The following ARSB variants were observed in gnomAD, a reference collection of about 807,000 sequenced individuals.
ARSB encodes the protein arylsulfatase B.
ARSB carries 41 observed loss-of-function variants against 50.9 expected under a neutral mutation model. The observed-to-expected ratio is 0.81, with a 90% CI of 0.63 to 1.04. The LOEUF is 1.04. Among genes scored for constraint, ARSB ranks in the 50% least tolerant of loss-of-function variants. The pLI is 0.00. For missense variants in ARSB, 672 were observed against 693.3 expected (o/e 0.97, Z 0.35); for synonymous variants, 269 against 284.8 (o/e 0.94, Z 0.56).
In ARSB at chr5:78,819,802, G is replaced by A. The variant is rs572160300; in HGVS notation, c.1213+19554C>T. The stretch of plus-strand genomic sequence containing the variant: ...AAAGGCAGAGCCAAGGGGCCTGGGA[G>A]GCCAAGTGCTTTAGGACAAGCACTG... On this transcript the variant is annotated intron_variant, in intron 6 of 7. Transcript: ENST00000264914. 1.1e-4 allele frequency among the ~76,000 whole-genome samples: 17 copies of A among 152,338 alleles called. No individual in the cohort carries two copies. The South Asian group carries it at 3.3e-3, about 30-fold the overall frequency.
At chr5:78,885,875 T>C (rs1181525222) in intron 4 of ARSB, 48 bp from the exon 5 acceptor site, 3 of 1,613,864 alleles carry the variant, frequency 1.9e-6, no homozygotes, top group South Asian at 2.2e-5. Context: ...AACTCTTAAA[T>C]ACATTTAAGA....
At position 78,779,352 on chromosome 5, in the gene ARSB, C is replaced by T. The variant is rs1176403847; in HGVS notation, c.*1045G>A. ...CAGTATCCCAGACACTGGCCACTTGCTTTTTCATATCCTTTCCTGAGGTTT... is the reference window on the plus strand; with the variant it reads ...CAGTATCCCAGACACTGGCCACTTGTTTTTTCATATCCTTTCCTGAGGTTT... On this transcript the variant is annotated 3_prime_UTR_variant, in exon 8 of 8. Coordinates refer to ENST00000264914, the MANE Select transcript of ARSB (RefSeq NM_000046.5). The T allele has an allele frequency of 6.6e-6, 1 of 152,180 alleles. No individual in the cohort carries two copies. Among genetic ancestry groups the T allele is most frequent in the African/African-American group, 2.4e-5 (1 of 41,434 alleles). The allele number at this position is 152,180 out of a possible 1,614,324, so 9.4% of individuals were successfully genotyped here. A position where few individuals can be genotyped will look rare whatever the true frequency, so the allele number is the denominator to read the frequency against.
chr5:78,984,085 G>A (rs115171407), intron 1 of ARSB, among the ~76,000 whole-genome samples: 2,218 of 152,244 alleles, frequency 0.015, 67 homozygotes, highest in African/African-American at 0.051. Flanking sequence ...TGCAGGAAAA[G>A]CACAACGGAC....
At chr5:78,888,307 AAAG>A (rs761169123) in intron 4 of ARSB, among the ~76,000 whole-genome samples, 7 of 152,244 alleles carry the variant, frequency 4.6e-5, no homozygotes, top group Non-Finnish European at 7.3e-5. Context: ...CCATCAGTAG[AAAG>A]AAGAAATTCC....
chr5:78,847,901 T>C lies in ARSB; in HGVS notation c.1143-8475A>G, dbSNP rs190459173. The stretch of plus-strand genomic sequence containing the variant: ...ATCACTTGTATTTCTATGGTATCAG[T>C]TGCAATGTCTCCTTTTTTGTTGGTG... On this transcript the variant is annotated intron_variant, in intron 5 of 7. Coordinates refer to ENST00000264914, the MANE Select transcript of ARSB (RefSeq NM_000046.5). Among the ~76,000 whole-genome samples the C allele has an allele frequency of 9.9e-5, 15 of 152,232 alleles. No homozygotes were observed. In the East Asian group the frequency reaches 2.7e-3, roughly 27 times the overall value.
chr5:78,821,548 G>A (rs1389470417), intron 6 of ARSB, among the ~76,000 whole-genome samples: 1 of 152,204 alleles, frequency 6.6e-6, no homozygotes, highest in East Asian at 1.9e-4. Context: ...GAAAGCACAT[G>A]CAAACTACTT....
chr5:78,914,743 T>C (rs936594570), intron 4 of ARSB, among the ~76,000 whole-genome samples: 6 of 152,174 alleles, frequency 3.9e-5, no homozygotes, highest in African/African-American at 1.4e-4. Context: ...TGATCTCAGC[T>C]CACTACAATC....
chr5:78,964,379 C>G, intron 3 of ARSB, 37 bp downstream of exon 3: 1 of 1,590,180 alleles, frequency 6.3e-7, no homozygotes, highest in Non-Finnish European at 8.6e-7. Context: ...ATTAGTGTAA[C>G]AAGATTTTGC....
At chr5:78,868,841 T>C (rs1477233885) in intron 5 of ARSB, among the ~76,000 whole-genome samples, 1 of 147,760 alleles carries the variant, frequency 6.8e-6, no homozygotes, top group Admixed American at 6.6e-5. Flanking sequence ...ATGGACTAAA[T>C]GCTACAATTA....
At chr5:78,958,451 GA>G (rs1464158571) in intron 3 of ARSB, among the ~76,000 whole-genome samples, 1 of 152,080 alleles carries the variant, frequency 6.6e-6, no homozygotes, top group African/African-American at 2.4e-5. Context: ...AAGATTTGGG[GA>G]TCATTATTAA....
intron 6 of ARSB, chr5:78,783,248 C>T (rs964064826): frequency 4.6e-5 from 7 of 152,218 alleles, no homozygotes; most frequent in African/African-American, 1.7e-4. Flanking sequence ...GTATAGACTC[C>T]ATTGGAGTGG....
At chr5:78,855,590 A>T (rs1020186) in intron 5 of ARSB, among the ~76,000 whole-genome samples, 3 of 152,050 alleles carry the variant, frequency 2.0e-5, no homozygotes, top group African/African-American at 7.3e-5. Flanking sequence ...CATAGTTCCA[A>T]CTCCAAGATG....
chr5:78,820,832 A>G (rs374858012), intron 6 of ARSB, among the ~76,000 whole-genome samples: 17 of 152,100 alleles, frequency 1.1e-4, no homozygotes, highest in East Asian at 7.7e-4. Context: ...AAAATTGCCA[A>G]ATCTCCCCTG....
chr5:78,872,775 C>A (rs1017738666), intron 5 of ARSB, among the ~76,000 whole-genome samples: 1 of 146,690 alleles, frequency 6.8e-6, no homozygotes, highest in Admixed American at 6.8e-5. Context: ...TGTAACTAAC[C>A]TGCACAATGT....
At chr5:78,854,908 C>A (rs1581047372) in intron 5 of ARSB, among the ~76,000 whole-genome samples, 1 of 152,142 alleles carries the variant, frequency 6.6e-6, no homozygotes, top group East Asian at 1.9e-4. Context: ...ATCCACTTCT[C>A]TCCTGGCTTG....
At chr5:78,782,890 T>A (rs1452076554) in intron 6 of ARSB, among the ~76,000 whole-genome samples, 1 of 151,976 alleles carries the variant, frequency 6.6e-6, no homozygotes, top group East Asian at 1.9e-4. Context: ...CTTACATATA[T>A]CCAGGTGACA....
chr5:78,969,477 CA>C lies in ARSB; in HGVS notation c.313-286del, dbSNP rs34055862. 0.23 allele frequency among the ~76,000 whole-genome samples: 34,959 copies of C among 151,904 alleles called. 4,260 individuals carry two copies. The highest frequency in any genetic ancestry group is 0.3 in the Admixed American group (4,581 of 15,258). ...ACCATTAACTTGTTACTTTTTGCCTCAAAAAAAGTAGCAATAATATGTGGTG... is the reference window on the plus strand; with the variant it reads ...ACCATTAACTTGTTACTTTTTGCCTCAAAAAAGTAGCAATAATATGTGGTG... On this transcript the variant is annotated intron_variant, in intron 1 of 7. Coordinates refer to ENST00000264914, the MANE Select transcript of ARSB (RefSeq NM_000046.5).
intron 6 of ARSB, among the ~76,000 whole-genome samples, chr5:78,794,560 C>A (rs1743112986): frequency 6.6e-6 from 1 of 151,698 alleles, no homozygotes; most frequent in South Asian, 2.1e-4. Context: ...AAACAGAAAA[C>A]AAAGAAGAGA....
rs1440962115 is a variant in ARSB, at chr5:78,955,307, T to C, written c.886A>G (p.Ile296Val). 3 of 1,614,084 alleles carry C rather than the reference T, an allele frequency of 1.9e-6. No homozygotes were observed. The highest frequency in any genetic ancestry group is 2.5e-6 in the Non-Finnish European group (3 of 1,180,020). The change falls in exon 4 of 8, where the codon ATC (isoleucine) becomes GTC (valine). Residue 296 changes from isoleucine (I) to valine (V), a missense_variant. By Grantham distance (29) the Ile-to-Val change is conservative. Coordinates refer to ENST00000264914, the MANE Select transcript of ARSB (RefSeq NM_000046.5). ...TTGACAGACTTACCTGTAGAAAAGATGAACACCGTGTTGTTCCAGAGCCCA... is the reference window on the plus strand; with the variant it reads ...TTGACAGACTTACCTGTAGAAAAGACGAACACCGTGTTGTTCCAGAGCCCA... ...SSGLWNNTVF[I>V]FSTDNGGQTL...
Sources: allele counts gnomAD v4.1 joint callset (sites outside exome capture counted in the v4.1 genomes callset), GRCh38; gene constraint gnomAD v4.1.1; transcripts MANE v1.5; gene names NCBI Gene and HGNC (gene_info 2026-07-23, HGNC 2026-07-21).